Variants in PCDHGB7 observed in about 807,000 individuals in gnomAD.
PCDHGB7 encodes the protein protocadherin gamma-B7.
PCDHGB7 carries 37 observed loss-of-function variants against 61.4 expected under a neutral mutation model. The ratio of observed to expected loss-of-function variants is 0.60; its 90% CI spans 0.46 to 0.79. The LOEUF (loss-of-function observed/expected upper bound fraction) is 0.79, where lower values mean the gene tolerates loss of function less well. Ranked by LOEUF, PCDHGB7 falls within the 30% of genes least tolerant of loss-of-function variation. The pLI, the probability that PCDHGB7 is intolerant of heterozygous loss-of-function variation, is 0.00. For missense variants in PCDHGB7, 1,166 were observed against 1,202.5 expected (o/e 0.97, Z 0.45); for synonymous variants, 464 against 503.5 (o/e 0.92, Z 1.05).
intron 1 of PCDHGB7, chr5:141,427,862 C>T (rs748112227): frequency 2.6e-6 from 4 of 1,556,778 alleles, no homozygotes; most frequent in East Asian, 4.5e-5. Context: ...TGTGCGCCTT[C>T]GAGCTCACGA....
chr5:141,421,902 C>A (rs1218675162), intron 1 of PCDHGB7: 1 of 1,613,706 alleles, frequency 6.2e-7, no homozygotes, highest in East Asian at 2.2e-5. Context: ...TCCGAAAGGG[C>A]GCAGTTCCCA....
intron 1 of PCDHGB7, among the ~76,000 whole-genome samples, chr5:141,461,314 T>A (rs1453512629): frequency 6.6e-6 from 1 of 152,198 alleles, no homozygotes; most frequent in Non-Finnish European, 1.5e-5. Context: ...TTTTTTGACT[T>A]TTTAATAATG....
In PCDHGB7 at chr5:141,477,510, A is replaced by G; in HGVS notation, c.2416-17297A>G. On this transcript the variant is annotated intron_variant, in intron 1 of 3. Transcript: ENST00000398594. This position sits in a 1 kb window ranked among gnomAD's most constrained non-coding sequence, Gnocchi z 4.9. ...TCTTCTCAATCTTCCTACGACGTTT[A>G]CATTGAAGAAAACAACCTCCCCGGG... is the stretch of plus-strand genomic sequence containing the variant. 3 of 1,614,172 alleles carry G rather than the reference A, an allele frequency of 1.9e-6. No homozygotes were observed. Among genetic ancestry groups the G allele is most frequent in the Non-Finnish European group, 2.5e-6 (3 of 1,180,018 alleles).
At chr5:141,454,483 C>T (rs1434684795) in intron 1 of PCDHGB7, among the ~76,000 whole-genome samples, 9 of 151,684 alleles carry the variant, frequency 5.9e-5, no homozygotes, top group African/African-American at 9.7e-5. Flanking sequence ...CTCAGCTCAC[C>T]GCAACCTCCA....
chr5:141,476,483 G>T lies in PCDHGB7; in HGVS notation c.2416-18324G>T. On this transcript the variant is annotated intron_variant, in intron 1 of 3. Coordinates refer to ENST00000398594, the MANE Select transcript of PCDHGB7 (RefSeq NM_018927.4). The surrounding 1 kb of genome is among the most constrained non-coding windows in gnomAD (Gnocchi z 7.6). ...CCCGCTGGAGCTGTTCAGCGTGGAA[G>T]TGGTGATCCAGGACATCAACGACAA... 6.2e-7 allele frequency: 1 copy of T among 1,614,166 alleles called. No homozygotes were observed. The highest frequency in any genetic ancestry group is 8.5e-7 in the Non-Finnish European group (1 of 1,180,034).
At position 141,417,706 on chromosome 5, in the gene PCDHGB7, A is replaced by T; in HGVS notation, c.-154A>T. The T allele has an allele frequency of 8.2e-7, 1 of 1,214,910 alleles. No homozygotes were observed. Among genetic ancestry groups the T allele is most frequent in the Non-Finnish European group, 1.1e-6 (1 of 900,944 alleles). The allele number at this position is 1,214,910 out of a possible 1,614,324, so 75.3% of individuals were successfully genotyped here. The stretch of plus-strand genomic sequence containing the variant: ...GAAAAGAAAACCAGCTCCCACACAG[A>T]GGCTCCCGGCTGCGCAGACCTTGCC... On this transcript the variant is annotated 5_prime_UTR_variant, in exon 1 of 4. Transcript: ENST00000398594.
intron 1 of PCDHGB7, among the ~76,000 whole-genome samples, chr5:141,461,119 C>T (rs959427669): frequency 6.6e-6 from 1 of 152,016 alleles, no homozygotes; most frequent in Admixed American, 6.6e-5. Flanking sequence ...GTGTCTTTTT[C>T]ATATAATTAC....
intron 1 of PCDHGB7, chr5:141,420,568 T>C (rs2096507107): frequency 8.5e-6 from 2 of 235,080 alleles, no homozygotes; most frequent in African/African-American, 2.3e-5. Flanking sequence ...CGGCATGGTA[T>C]TTTAATTGAA....
chr5:141,482,530 C>CAAAAAAAAAAA (rs3074545), intron 1 of PCDHGB7, among the ~76,000 whole-genome samples: 21 of 76,546 alleles, frequency 2.7e-4, no homozygotes, highest in African/African-American at 4.8e-4. Context: ...GACAGACATG[C>CAAAAAAAAAAA]AAAAAAAAAA....
Position 141,487,650 on chromosome 5 carries a change from G to T in PCDHGB7, c.2416-7157G>T, listed in dbSNP as rs772715932. The T allele has an allele frequency of 6.8e-6, 11 of 1,613,876 alleles. No individual in the cohort carries two copies. Among genetic ancestry groups the T allele is most frequent in the Admixed American group, 1.7e-5 (1 of 59,978 alleles). On this transcript the variant is annotated intron_variant, in intron 1 of 3. Coordinates refer to ENST00000398594, the MANE Select transcript of PCDHGB7 (RefSeq NM_018927.4). This position sits in a 1 kb window ranked among gnomAD's most constrained non-coding sequence, Gnocchi z 5.0. ...TTGCAGGCTCAACAAATGCTTGAGG[G>T]TTATTCTGATCCAGGCATATGGCTA...
At chr5:141,502,499 C>A (rs552402476) in intron 2 of PCDHGB7, among the ~76,000 whole-genome samples, 12 of 152,122 alleles carry the variant, frequency 7.9e-5, no homozygotes, top group Non-Finnish European at 2.9e-5. Flanking sequence ...CATCTAACGT[C>A]GGCCTGTCCC....
intron 1 of PCDHGB7, chr5:141,478,292 CTATA>C (rs1257685524): frequency 6.2e-7 from 1 of 1,614,146 alleles, no homozygotes; most frequent in Admixed American, 1.7e-5. Flanking sequence ...GTCTAGAGAC[CTATA>C]CCGAGCCCCG....
rs2099427993 is a variant in PCDHGB7, at chr5:141,477,978, T to C, written c.2416-16829T>C. Reference sequence around the variant, plus strand: ...TCCCCTAACCAGAGCCTTTTTGCCATAGGGCTGCACACTGGTCAAATCAGT... The same window carrying C: ...TCCCCTAACCAGAGCCTTTTTGCCACAGGGCTGCACACTGGTCAAATCAGT... On this transcript the variant is annotated intron_variant, in intron 1 of 3. Coordinates refer to ENST00000398594, the MANE Select transcript of PCDHGB7 (RefSeq NM_018927.4). This position sits in a 1 kb window ranked among gnomAD's most constrained non-coding sequence, Gnocchi z 4.9. 6.2e-7 allele frequency: 1 copy of C among 1,614,120 alleles called. No individual in the cohort carries two copies. Among genetic ancestry groups the C allele is most frequent in the Non-Finnish European group, 8.5e-7 (1 of 1,180,022 alleles).
At chr5:141,450,006 C>CTT (rs1554136305) in intron 1 of PCDHGB7, among the ~76,000 whole-genome samples, 6 of 132,984 alleles carry the variant, frequency 4.5e-5, no homozygotes, top group East Asian at 2.2e-4. Flanking sequence ...TGCCATGTCT[C>CTT]TTTTTTTTTT....
intron 1 of PCDHGB7, among the ~76,000 whole-genome samples, chr5:141,425,428 T>C (rs1037803701): frequency 1.3e-5 from 2 of 152,238 alleles, no homozygotes; most frequent in African/African-American, 4.8e-5. Context: ...TCCCATTAAA[T>C]AGAGGATAAA....
chr5:141,442,596 T>C (rs2154559877), intron 1 of PCDHGB7: 1 of 152,310 alleles, frequency 6.6e-6, no homozygotes, highest in South Asian at 2.1e-4. Flanking sequence ...TTAAATATTT[T>C]CAGAGATCTC....
Position 141,419,831 on chromosome 5 carries a change from G to C in PCDHGB7, c.1972G>C (p.Ala658Pro). The C allele has an allele frequency of 1.9e-6, 3 of 1,614,048 alleles. No individual in the cohort carries two copies. Among genetic ancestry groups the C allele is most frequent in the Non-Finnish European group, 2.5e-6 (3 of 1,179,882 alleles). The change falls in exon 1 of 4, where the codon GCC becomes CCC. Residue 658 changes from alanine to proline, a missense_variant. Ala to Pro is a conservative substitution (Grantham distance 27). Transcript: ENST00000398594. ...DGGQPPLSATATLHLVFADSL... is the reference protein window; with the variant it reads ...DGGQPPLSATPTLHLVFADSL... ...AGGACAGCCACCCCTTTCAGCCACT[G>C]CCACGCTGCACCTGGTGTTCGCAGA...
At chr5:141,454,875 T>G (rs2098805612) in intron 1 of PCDHGB7, among the ~76,000 whole-genome samples, 1 of 144,402 alleles carries the variant, frequency 6.9e-6, no homozygotes, top group African/African-American at 2.6e-5. Context: ...TGGCACGATC[T>G]TGGCTCACTG....
In PCDHGB7 at chr5:141,491,129, C is replaced by T; in HGVS notation, c.2416-3678C>T. On this transcript the variant is annotated intron_variant, in intron 1 of 3. Transcript: ENST00000398594. This position sits in a 1 kb window ranked among gnomAD's most constrained non-coding sequence, Gnocchi z 6.9. Reference sequence around the variant, plus strand: ...TCTACACACACTGGTGAGGTGCGCACAGCCCGGGCCTTACTGGAGGATGAC... The same window carrying T: ...TCTACACACACTGGTGAGGTGCGCATAGCCCGGGCCTTACTGGAGGATGAC... 1.2e-6 allele frequency: 2 copies of T among 1,614,172 alleles called. No individual in the cohort carries two copies. The highest frequency in any genetic ancestry group is 1.7e-6 in the Non-Finnish European group (2 of 1,180,012).
Sources: allele counts gnomAD v4.1 joint callset (sites outside exome capture counted in the v4.1 genomes callset), GRCh38; gene constraint gnomAD v4.1.1; non-coding constraint Gnocchi (gnomAD v3.1); transcripts MANE v1.5; gene names NCBI Gene and HGNC (gene_info 2026-07-23, HGNC 2026-07-21).